BMERB1: variants seen among roughly 807,000 people sequenced by gnomAD.
BMERB1 encodes the protein bMERB domain containing 1.
In BMERB1, 12 loss-of-function variants were observed where a neutral mutation model predicts 23.6. The ratio of observed to expected loss-of-function variants is 0.51; its 90% CI spans 0.33 to 0.82. The LOEUF (loss-of-function observed/expected upper bound fraction) is 0.82, where lower values mean the gene tolerates loss of function less well. Ranked by LOEUF, BMERB1 falls within the 40% of genes least tolerant of loss-of-function variation. The pLI is 0.03. For missense variants in BMERB1, 247 were observed against 255.4 expected (o/e 0.97, Z 0.22); for synonymous variants, 122 against 96.6 (o/e 1.26, Z -1.54).
intron 1 of BMERB1, among the ~76,000 whole-genome samples, chr16:15,497,263 C>T (rs555666295): frequency 1.1e-4 from 17 of 152,172 alleles, no homozygotes; most frequent in Non-Finnish European, 1.5e-4. Flanking sequence ...AGGGTTTATA[C>T]AGCAGGGAAG....
At chr16:15,461,353 C>T (rs1022781576) in intron 1 of BMERB1, among the ~76,000 whole-genome samples, 3 of 152,022 alleles carry the variant, frequency 2.0e-5, no homozygotes, top group Non-Finnish European at 2.9e-5. Context: ...AAAAGCAATT[C>T]GTTATCAATA....
chr16:15,550,499 A>ATTT (rs1291834316), intron 2 of BMERB1, among the ~76,000 whole-genome samples: 1 of 141,116 alleles, frequency 7.1e-6, no homozygotes, highest in Admixed American at 7.2e-5. Context: ...TGCCTGGCTA[A>ATTT]TTTTTTTTTT....
chr16:15,510,824 C>G (rs1212409151), intron 1 of BMERB1, among the ~76,000 whole-genome samples: 1 of 152,106 alleles, frequency 6.6e-6, no homozygotes, highest in Non-Finnish European at 1.5e-5. Context: ...GCCTCAGTCT[C>G]CCAAGCAGCT....
intron 1 of BMERB1, among the ~76,000 whole-genome samples, chr16:15,488,100 G>A (rs2051383112): frequency 1.3e-5 from 2 of 152,090 alleles, no homozygotes; most frequent in Admixed American, 6.6e-5. Context: ...TATTCAAGAT[G>A]GTGTTGTTCT....
rs1294863251 is a variant in BMERB1 at position 15,497,705 on chromosome 16, G to T, written c.107-17600G>T. ...CTTGTATCATCAGTTGTTAGTATTTGTTTTAGCTGGGGAGGCAGCTGGAGC... is the reference window on the plus strand; with the variant it reads ...CTTGTATCATCAGTTGTTAGTATTTTTTTTAGCTGGGGAGGCAGCTGGAGC... On this transcript the variant is annotated intron_variant, in intron 1 of 5. Transcript: ENST00000300006. Among the ~76,000 whole-genome samples the T allele has an allele frequency of 2.6e-5, 4 of 152,114 alleles. No individual in the cohort carries two copies. In the East Asian group the frequency reaches 7.7e-4, roughly 29 times the overall value.
At chr16:15,500,932 G>A (rs1322104116) in intron 1 of BMERB1, among the ~76,000 whole-genome samples, 1 of 151,768 alleles carries the variant, frequency 6.6e-6, no homozygotes, top group Non-Finnish European at 1.5e-5. Flanking sequence ...GATTACAGGC[G>A]TGAGCCACCG....
At chr16:15,483,433 G>A (rs775106166) in intron 1 of BMERB1, among the ~76,000 whole-genome samples, 5 of 152,134 alleles carry the variant, frequency 3.3e-5, no homozygotes, top group Non-Finnish European at 5.9e-5. Flanking sequence ...AGGCTGGAGT[G>A]CAATGGCATG....
At chr16:15,574,905 C>T (rs2030818640) in intron 3 of BMERB1, among the ~76,000 whole-genome samples, 1 of 152,222 alleles carries the variant, frequency 6.6e-6, no homozygotes, top group East Asian at 1.9e-4. Flanking sequence ...TGGCGAGACC[C>T]CCGTCTCTAC....
At chr16:15,507,901 C>G (rs982156134) in intron 1 of BMERB1, among the ~76,000 whole-genome samples, 1 of 152,144 alleles carries the variant, frequency 6.6e-6, no homozygotes, top group African/African-American at 2.4e-5. Context: ...TCTTAAACAA[C>G]CTCCCTAGAT....
intron 1 of BMERB1, among the ~76,000 whole-genome samples, chr16:15,505,655 C>T (rs1399017012): frequency 1.3e-5 from 2 of 151,928 alleles, no homozygotes; most frequent in African/African-American, 2.4e-5. Flanking sequence ...TTTGGGAGGC[C>T]GAGGTGGGTG....
chr16:15,520,097 A>G (rs1179450555), intron 2 of BMERB1, among the ~76,000 whole-genome samples: 1 of 152,090 alleles, frequency 6.6e-6, no homozygotes, highest in Non-Finnish European at 1.5e-5. Flanking sequence ...AAGAACCCCA[A>G]TAGAGTAAGT....
At chr16:15,531,746 C>G (rs767671596) in intron 2 of BMERB1, among the ~76,000 whole-genome samples, 17 of 152,156 alleles carry the variant, frequency 1.1e-4, no homozygotes, top group Non-Finnish European at 1.5e-4. Context: ...TTTCCATTCC[C>G]TTTGCTTATT....
chr16:15,444,822 C>A (rs1352342012), intron 1 of BMERB1, among the ~76,000 whole-genome samples: 1 of 152,024 alleles, frequency 6.6e-6, no homozygotes, highest in Non-Finnish European at 1.5e-5. Flanking sequence ...ACCTTTTTTT[C>A]CCCCACCTCA....
intron 1 of BMERB1, among the ~76,000 whole-genome samples, chr16:15,488,937 C>T (rs138995220): frequency 2.2e-3 from 329 of 150,138 alleles, no homozygotes; most frequent in African/African-American, 7.7e-3. Flanking sequence ...ATGTACTAAC[C>T]GGGGTTTCTA....
intron 1 of BMERB1, among the ~76,000 whole-genome samples, chr16:15,466,427 ATTGTG>A (rs2150929901): frequency 6.7e-6 from 1 of 148,198 alleles, no homozygotes; most frequent in South Asian, 2.1e-4. Context: ...TTTTTTTTCT[ATTGTG>A]TTGTCATTGT....
At chr16:15,510,703 A>G (rs576835329) in intron 1 of BMERB1, among the ~76,000 whole-genome samples, 1 of 151,496 alleles carries the variant, frequency 6.6e-6, no homozygotes, top group East Asian at 1.9e-4. Flanking sequence ...ACTCAGTATT[A>G]ATTATCTTTT....
At chr16:15,559,366 A>G (rs1335271730) in intron 2 of BMERB1, among the ~76,000 whole-genome samples, 1 of 152,190 alleles carries the variant, frequency 6.6e-6, no homozygotes, top group Admixed American at 6.5e-5. Flanking sequence ...GGGAAGGTCT[A>G]CAACCAGTCA....
chr16:15,515,670 C>T (rs2051742362), intron 2 of BMERB1, among the ~76,000 whole-genome samples: 1 of 152,170 alleles, frequency 6.6e-6, no homozygotes, highest in South Asian at 2.1e-4. Flanking sequence ...TTTGTTCTTT[C>T]TGTATCACCC....
At chr16:15,438,704 CCCTCCTTGG>C (rs2050910111) in intron 1 of BMERB1, among the ~76,000 whole-genome samples, 1 of 152,210 alleles carries the variant, frequency 6.6e-6, no homozygotes. Context: ...AAGTGATCTG[CCCTCCTTGG>C]CCTCCCAAAG....
Sources: allele counts gnomAD v4.1 joint callset (sites outside exome capture counted in the v4.1 genomes callset), GRCh38; gene constraint gnomAD v4.1.1; transcripts MANE v1.5; gene names NCBI Gene and HGNC (gene_info 2026-07-23, HGNC 2026-07-21).